PARD6G: variants seen among roughly 807,000 people sequenced by gnomAD.
PARD6G encodes the protein par-6 family cell polarity regulator gamma, also known as partitioning defective 6 homolog gamma.
PARD6G carries 7 observed loss-of-function variants against 10.7 expected under a neutral mutation model. That is an observed-to-expected ratio of 0.66 (90% CI 0.37 to 1.23). PARD6G has a LOEUF of 1.23. PARD6G is among the 50% of genes most tolerant of loss of function. PARD6G has a pLI of 0.02. For synonymous variants in PARD6G, 287 were observed against 269.4 expected, an observed-to-expected ratio of 1.07 and a Z score of -0.64; for missense variants, 548 against 571.8, an observed-to-expected ratio of 0.96 and a Z score of 0.42.
chr18:80,185,433 CCTGT>C (rs1469909444), intron 2 of PARD6G, among the ~76,000 whole-genome samples: 16 of 152,056 alleles, frequency 1.1e-4, no homozygotes, highest in African/African-American at 3.4e-4. Context: ...CTCCACCACA[CCTGT>C]CTAATTTTTA....
rs533038422 is a variant in PARD6G, at chr18:80,222,958, G to A, written c.73-20026C>T. On this transcript the variant is annotated intron_variant, in intron 1 of 2. Transcript: ENST00000353265. Reference sequence around the variant, plus strand: ...CCCAAAGTGCTGGGATTACAGGCATGGGCTACTGCAGCTGGTAATCAATTT... The same window carrying A: ...CCCAAAGTGCTGGGATTACAGGCATAGGCTACTGCAGCTGGTAATCAATTT... 1.5e-3 allele frequency among the ~76,000 whole-genome samples: 231 copies of A among 152,274 alleles called. 1 individual carries two copies. The highest frequency in any genetic ancestry group is 5.2e-3 in the African/African-American group (217 of 41,536).
rs563723986 is a variant in PARD6G, at chr18:80,247,444, C to T, written c.-96G>A. The T allele has an allele frequency of 7.8e-6, 7 of 899,278 alleles. No homozygotes were observed. The highest frequency in any genetic ancestry group is 5.4e-5 in the African/African-American group (3 of 55,490). The allele number at this position is 899,278 out of a possible 1,614,324, so 55.7% of individuals were successfully genotyped here. On this transcript the variant is annotated 5_prime_UTR_variant, in exon 1 of 3. Coordinates refer to ENST00000353265, the MANE Select transcript of PARD6G (RefSeq NM_032510.4). This position sits in a 1 kb window ranked among gnomAD's most constrained non-coding sequence, Gnocchi z 4.2. ...CGCCCCCAGGCCCCGGCCCCGGCCC[C>T]GGCCCGCGCTCGCTTGGCCGGCGGG... is the stretch of plus-strand genomic sequence containing the variant.
chr18:80,163,367 G>A (rs902074021), intron 2 of PARD6G, among the ~76,000 whole-genome samples: 9 of 152,256 alleles, frequency 5.9e-5, no homozygotes, highest in East Asian at 1.9e-4. Context: ...TCCCACACAC[G>A]GGCAGAGTAC....
rs568612250 is a variant in PARD6G at position 80,175,525 on chromosome 18, C to G, written c.296-14919G>C. On this transcript the variant is annotated intron_variant, in intron 2 of 2. Coordinates refer to ENST00000353265, the MANE Select transcript of PARD6G (RefSeq NM_032510.4). The surrounding 1 kb of genome is among the most constrained non-coding windows in gnomAD (Gnocchi z 6.7). ...CGATCTTATTTAACCTTCATCACCCCCTAAAGACACTGTCTCCAGATACAG... is the reference window on the plus strand; with the variant it reads ...CGATCTTATTTAACCTTCATCACCCGCTAAAGACACTGTCTCCAGATACAG... 2.6e-5 allele frequency among the ~76,000 whole-genome samples: 4 copies of G among 152,276 alleles called. No individual in the cohort carries two copies. The East Asian group carries it at 7.7e-4, about 29-fold the overall frequency.
At chr18:80,226,234 G>C (rs1401934629) in intron 1 of PARD6G, among the ~76,000 whole-genome samples, 4 of 127,682 alleles carry the variant, frequency 3.1e-5, no homozygotes, top group Non-Finnish European at 6.2e-5. Flanking sequence ...GCAATAGTGT[G>C]ATCTTGGCTC....
At chr18:80,195,856 C>A (rs1316813310) in intron 2 of PARD6G, among the ~76,000 whole-genome samples, 1 of 148,432 alleles carries the variant, frequency 6.7e-6, no homozygotes, top group African/African-American at 2.5e-5. Flanking sequence ...GCCTGGGCAA[C>A]AGAGCGAGAC....
rs1413703429 is a variant in PARD6G at position 80,159,317 on chromosome 18, C to CA, written c.*453dup. 2 of 153,568 alleles carry CA rather than the reference C, an allele frequency of 1.3e-5. No individual in the cohort carries two copies. Among genetic ancestry groups the CA allele is most frequent in the Non-Finnish European group, 2.9e-5 (2 of 68,772 alleles). The allele number at this position is 153,568 out of a possible 1,614,324, so 9.5% of individuals were successfully genotyped here. On this transcript the variant is annotated 3_prime_UTR_variant, in exon 3 of 3. Transcript: ENST00000353265. ...TCGTTATTAAAAACCAGCCTCTTGT[C>CA]ACGTACATCAGCACAGTCGGCCTCG...
In PARD6G at chr18:80,182,519, C is replaced by T. The variant is rs1342185117; in HGVS notation, c.295+20191G>A. On this transcript the variant is annotated intron_variant, in intron 2 of 2. Transcript: ENST00000353265. The surrounding 1 kb of genome is among the most constrained non-coding windows in gnomAD (Gnocchi z 4.5). ...GCCATCTTCCCCTGCTTTGACACCT[C>T]AACTGTGAATGCATTTCCCATAACA... 1.3e-5 allele frequency among the ~76,000 whole-genome samples: 2 copies of T among 152,254 alleles called. No individual in the cohort carries two copies. The highest frequency in any genetic ancestry group is 1.3e-4 in the Admixed American group (2 of 15,290).
intron 2 of PARD6G, 97 bp downstream of exon 2, chr18:80,202,613 C>A: frequency 9.7e-7 from 1 of 1,033,128 alleles, no homozygotes; most frequent in South Asian, 1.5e-5. Context: ...GGTTAGAAAA[C>A]GAACCACATA....
Position 80,160,249 on chromosome 18 carries a change from T to C in PARD6G, c.653A>G (p.Glu218Gly). The change falls in exon 3 of 3, where the codon GAG (glutamate) becomes GGG (glycine). Residue 218 changes from glutamate (E) to glycine (G), a missense_variant. Glu to Gly is a moderately conservative substitution (Grantham distance 98). Transcript: ENST00000353265. The part of the protein sequence containing the change: ...GLLAVNDEVL[E>G]VNGIEVAGKT... ...CCCGGCCACCTCAATGCCGTTCACC[T>C]CCAGGACCTCGTCATTCACAGCCAG... 2 of 1,612,902 alleles carry C rather than the reference T, an allele frequency of 1.2e-6. No individual in the cohort carries two copies. Among genetic ancestry groups the C allele is most frequent in the Non-Finnish European group, 1.7e-6 (2 of 1,179,860 alleles).
intron 2 of PARD6G, among the ~76,000 whole-genome samples, chr18:80,191,841 A>G (rs1459491690): frequency 6.6e-6 from 1 of 152,214 alleles, no homozygotes; most frequent in Non-Finnish European, 1.5e-5. Flanking sequence ...CTCAATGTTT[A>G]TTAACTAAAT....
At chr18:80,198,397 T>C (rs1189521077) in intron 2 of PARD6G, among the ~76,000 whole-genome samples, 1 of 152,250 alleles carries the variant, frequency 6.6e-6, no homozygotes, top group African/African-American at 2.4e-5. Context: ...ACAGATTACT[T>C]TTCTTATTCA....
chr18:80,214,600 C>T (rs1967143675), intron 1 of PARD6G, among the ~76,000 whole-genome samples: 1 of 152,044 alleles, frequency 6.6e-6, no homozygotes, highest in Admixed American at 6.6e-5. Context: ...AGGCACTCAA[C>T]AGCAGATTAG....
intron 1 of PARD6G, among the ~76,000 whole-genome samples, chr18:80,213,116 C>T (rs1012477417): frequency 5.9e-5 from 9 of 152,060 alleles, no homozygotes; most frequent in Admixed American, 2.0e-4. Context: ...AAGAACCTAT[C>T]GATGATAAGT....
rs897864032 is a variant in PARD6G, at chr18:80,169,480, G to A, written c.296-8874C>T. On this transcript the variant is annotated intron_variant, in intron 2 of 2. Coordinates refer to ENST00000353265, the MANE Select transcript of PARD6G (RefSeq NM_032510.4). ...ACCAGGACACAGACACCCCCTCAGC[G>A]GCCCCTCTGCTTTTTCTTCAGAATC... 5 of 152,320 alleles carry A rather than the reference G, an allele frequency of 3.3e-5. No individual in the cohort carries two copies. In the East Asian group the frequency reaches 5.8e-4, roughly 18 times the overall value. The allele number at this position is 152,320 out of a possible 1,614,324, so 9.4% of individuals were successfully genotyped here.
At chr18:80,217,983 CA>C (rs1967188332) in intron 1 of PARD6G, among the ~76,000 whole-genome samples, 1 of 152,152 alleles carries the variant, frequency 6.6e-6, no homozygotes, top group Admixed American at 6.5e-5. Context: ...CACTCACTAT[CA>C]CAAGAACAGC....
chr18:80,186,371 C>CCT (rs111510906), intron 2 of PARD6G, among the ~76,000 whole-genome samples: 107,988 of 130,800 alleles, frequency 0.83, 44,856 homozygotes, highest in Non-Finnish European at 0.87. Flanking sequence ...GCTCGCACAC[C>CCT]CACACATGCT....
In PARD6G at chr18:80,246,054, G is replaced by T. The variant is rs1967541734; in HGVS notation, c.72+1223C>A. 6.6e-6 allele frequency among the ~76,000 whole-genome samples: 1 copy of T among 152,082 alleles called. No homozygotes were observed. Among genetic ancestry groups the T allele is most frequent in the African/African-American group, 2.4e-5 (1 of 41,408 alleles). On this transcript the variant is annotated intron_variant, in intron 1 of 2. Transcript: ENST00000353265. This position sits in a 1 kb window ranked among gnomAD's most constrained non-coding sequence, Gnocchi z 6.7. ...AAATCCTACTCCAAAGGTCAGAGCA[G>T]CACAGCGAGAGGGGGCTGTTGGACT...
chr18:80,160,463 T>C lies in PARD6G; in HGVS notation c.439A>G (p.Ile147Val). 1 of 1,571,908 alleles carries C rather than the reference T, an allele frequency of 6.4e-7. No individual in the cohort carries two copies. The highest frequency in any genetic ancestry group is 8.6e-7 in the Non-Finnish European group (1 of 1,158,692). Residue 147 changes from isoleucine (I) to valine (V), a missense_variant, in exon 3 of 3, where the codon ATC (isoleucine) becomes GTC (valine). Ile to Val is a conservative substitution (Grantham distance 29). Around this residue, in one of 2 missense-constraint regions of PARD6G, gnomAD observed 235 missense variants for 291.9 expected, o/e 0.81. Coordinates refer to ENST00000353265, the MANE Select transcript of PARD6G (RefSeq NM_032510.4). ...GTCTCGGGGACCAGGTCCACATCGATGATGGATGATACGGGGCGGAAGTCG... is the reference window on the plus strand; with the variant it reads ...GTCTCGGGGACCAGGTCCACATCGACGATGGATGATACGGGGCGGAAGTCG... ...PRDFRPVSSIIDVDLVPETHR... is the reference protein window; with the variant it reads ...PRDFRPVSSIVDVDLVPETHR...
Sources: allele counts gnomAD v4.1 joint callset (sites outside exome capture counted in the v4.1 genomes callset), GRCh38; gene constraint gnomAD v4.1.1; regional missense constraint gnomAD v4.1.1; non-coding constraint Gnocchi (gnomAD v3.1); transcripts MANE v1.5; gene names NCBI Gene and HGNC (gene_info 2026-07-23, HGNC 2026-07-21).